The following ZNF106 variants were observed in gnomAD, a reference collection of about 807,000 sequenced individuals.
ZNF106 encodes zinc finger protein 106.
In ZNF106, 67 loss-of-function variants were observed where a neutral mutation model predicts 195.1. The observed-to-expected ratio is 0.34, with a 90% confidence interval of 0.28 to 0.42. The LOEUF is 0.42. Ranked by LOEUF, ZNF106 falls within the 10% of genes least tolerant of loss-of-function variation. The probability of loss-of-function intolerance (pLI) is 1.00; values close to 1 mark genes in which losing one functional copy is unlikely to be tolerated. For missense variants in ZNF106, 2,118 were observed against 2,304.5 expected, an observed-to-expected ratio of 0.92 and a Z score of 1.66; for synonymous variants, 784 against 818.6, an observed-to-expected ratio of 0.96 and a Z score of 0.72.
intron 17 of ZNF106, 78 bp from the exon 18 acceptor site, chr15:42,422,698 G>T: frequency 6.9e-7 from 1 of 1,455,690 alleles, no homozygotes; most frequent in Non-Finnish European, 9.2e-7. Context: ...AATTCTAAGA[G>T]GCATAATTCT....
At chr15:42,476,439 G>T (rs1377727680) in intron 1 of ZNF106, among the ~76,000 whole-genome samples, 1 of 152,114 alleles carries the variant, frequency 6.6e-6, no homozygotes, top group Admixed American at 6.6e-5. Flanking sequence ...CAAACTAGAA[G>T]TAAGTAAATA....
chr15:42,448,727 GA>G, intron 5 of ZNF106, 22 bp from the exon 6 acceptor site: 2 of 1,568,420 alleles, frequency 1.3e-6, no homozygotes, highest in Non-Finnish European at 1.7e-6. Flanking sequence ...AAGAAAAAAT[GA>G]AAACATAAAT....
At position 42,451,479 on chromosome 15, in the gene ZNF106, C is replaced by T. The variant is rs1165713846; in HGVS notation, c.793G>A (p.Asp265Asn). Residue 265 changes from aspartate (D) to asparagine (N), a missense_variant, in exon 5 of 22, where the codon GAC (aspartate) becomes AAC (asparagine). Coordinates refer to ENST00000564754, the MANE Select transcript of ZNF106 (RefSeq NM_001366845.3). ...TNNWNYSGPG[D>N]KFQPGRNRNS... Reference sequence around the variant, plus strand: ...CTGTTTCTGCCTGGTTGAAATTTGTCTCCAGGGCCACTGTAATTCCAATTA... The same window carrying T: ...CTGTTTCTGCCTGGTTGAAATTTGTTTCCAGGGCCACTGTAATTCCAATTA... The T allele has an allele frequency of 6.2e-7, 1 of 1,614,170 alleles. No individual in the cohort carries two copies. Among genetic ancestry groups the T allele is most frequent in the Admixed American group, 1.7e-5 (1 of 60,018 alleles).
intron 1 of ZNF106, among the ~76,000 whole-genome samples, chr15:42,481,342 GTT>G (rs10706782): frequency 0.01 from 1,208 of 119,522 alleles, 21 homozygotes; most frequent in African/African-American, 0.035. Context: ...TATTCTTTCT[GTT>G]TTTTTTTTTG....
At chr15:42,446,689 C>T (rs745985018) in intron 6 of ZNF106, 31 bp from the exon 7 acceptor site, 1 of 1,552,434 alleles carries the variant, frequency 6.4e-7, no homozygotes, top group South Asian at 1.2e-5. Context: ...GAATAAAATC[C>T]AATGTGTAAA....
rs1178767226 is a variant in ZNF106 at position 42,451,304 on chromosome 15, C to G, written c.968G>C (p.Gly323Ala). 9 of 1,614,142 alleles carry G rather than the reference C, an allele frequency of 5.6e-6. 1 individual carries two copies. In the South Asian group the frequency reaches 9.9e-5, roughly 18 times the overall value. ...TGAAGGAAATTTATCACTTGTAAAT[C>G]CTTCAGAAGGACCTCTATATGTGGC... The part of the protein sequence containing the change: ...TVATYRGPSE[G>A]FTSDKFPSEG... The change falls in exon 5 of 22, where the codon GGA becomes GCA. Residue 323 changes from glycine to alanine, a missense_variant. Gly to Ala is a moderately conservative substitution (Grantham distance 60). Transcript: ENST00000564754.
intron 2 of ZNF106, among the ~76,000 whole-genome samples, chr15:42,471,213 C>T (rs1411137799): frequency 1.3e-5 from 2 of 152,170 alleles, no homozygotes; most frequent in South Asian, 4.1e-4. Context: ...ACCATCGTTA[C>T]TCTAGACACT....
At position 42,441,191 on chromosome 15, in the gene ZNF106, A is replaced by G. The variant is rs898017392; in HGVS notation, c.3763+882T>C. ...CTCTACTTAAAAAAAAAAAAAAAAA[A>G]AATTAGCCGGGCATGGTGGCAGGCA... On this transcript the variant is annotated intron_variant, in intron 10 of 21. Transcript: ENST00000564754. Among the ~76,000 whole-genome samples, 6 of 148,120 alleles carry G rather than the reference A, an allele frequency of 4.1e-5. No individual in the cohort carries two copies. In the South Asian group the frequency reaches 1.3e-3, roughly 32 times the overall value.
intron 7 of ZNF106, among the ~76,000 whole-genome samples, chr15:42,446,250 G>A (rs2055764056): frequency 1.3e-5 from 2 of 152,172 alleles, no homozygotes; most frequent in Admixed American, 1.3e-4. Context: ...GACAAGCTAT[G>A]CTCTGTGTCA....
chr15:42,457,667 T>G, intron 3 of ZNF106: 1 of 451,680 alleles, frequency 2.2e-6, no homozygotes, highest in Non-Finnish European at 3.0e-6. Context: ...GCTGGAGCTC[T>G]GCCTGGAATG....
At chr15:42,455,324 G>T (rs893659798) in intron 4 of ZNF106, among the ~76,000 whole-genome samples, 5 of 152,132 alleles carry the variant, frequency 3.3e-5, no homozygotes, top group Non-Finnish European at 4.4e-5. Context: ...ATTCATTTAT[G>T]TTTCATATAC....
Position 42,439,442 on chromosome 15 carries a change from G to C in ZNF106, c.4135C>G (p.Arg1379Gly), listed in dbSNP as rs190531522. ...GCAGCCCGTAGACTTTTCTTCTTCC[G>C]GAGTTTCTTCTTTTTCTTGCTTCCC... ...TRGSKKKKKL[R>G]KKKSLRAAHV... Residue 1379 changes from arginine (R) to glycine (G), a missense_variant, in exon 11 of 22, where the codon CGG becomes GGG. By Grantham distance (125) the Arg-to-Gly change is moderately radical. Coordinates refer to ENST00000564754, the MANE Select transcript of ZNF106 (RefSeq NM_001366845.3). 17 of 1,613,364 alleles carry C rather than the reference G, an allele frequency of 1.1e-5. No individual in the cohort carries two copies. The African/African-American group carries it at 1.7e-4, about 16-fold the overall frequency.
At position 42,413,516 on chromosome 15, in the gene ZNF106, T is replaced by A. The variant is rs2054339977; in HGVS notation, c.*3788A>T. On this transcript the variant is annotated 3_prime_UTR_variant, in exon 22 of 22. Transcript: ENST00000564754. ...GTTCAAATCCCACTTCACAATATACTTCAATCTCACCTCCAATGAATTCTC... is the reference window on the plus strand; with the variant it reads ...GTTCAAATCCCACTTCACAATATACATCAATCTCACCTCCAATGAATTCTC... The A allele has an allele frequency of 6.6e-6, 1 of 152,592 alleles. No homozygotes were observed. The highest frequency in any genetic ancestry group is 6.5e-5 in the Admixed American group (1 of 15,272). The allele number at this position is 152,592 out of a possible 1,614,324, so 9.5% of individuals were successfully genotyped here.
At chr15:42,479,610 G>A (rs973615357) in intron 1 of ZNF106, among the ~76,000 whole-genome samples, 1 of 152,156 alleles carries the variant, frequency 6.6e-6, no homozygotes, top group Middle Eastern at 3.4e-3. Context: ...GGGAGGCCAA[G>A]GCGGGCAGAT....
chr15:42,478,779 T>C (rs2056839360), intron 1 of ZNF106, among the ~76,000 whole-genome samples: 1 of 152,094 alleles, frequency 6.6e-6, no homozygotes, highest in African/African-American at 2.4e-5. Context: ...CTGAAAGTGC[T>C]GGGATTACAG....
At chr15:42,478,164 T>C (rs62022316) in intron 1 of ZNF106, among the ~76,000 whole-genome samples, 17,143 of 151,870 alleles carry the variant, frequency 0.11, 1,149 homozygotes, top group Non-Finnish European at 0.15. Context: ...TGATACATTG[T>C]TATTTATTTT....
In ZNF106 at chr15:42,415,555, C is replaced by G. The variant is rs762547108; in HGVS notation, c.*1749G>C. 9.4e-5 allele frequency: 42 copies of G among 448,968 alleles called. No individual in the cohort carries two copies. The highest frequency in any genetic ancestry group is 1.5e-4 in the Non-Finnish European group (34 of 223,470). 27.8% of individuals were successfully genotyped at this position (448,968 alleles called of 1,614,324 possible). On this transcript the variant is annotated 3_prime_UTR_variant, in exon 22 of 22. Coordinates refer to ENST00000564754, the MANE Select transcript of ZNF106 (RefSeq NM_001366845.3). ...ACCCTCTTGAAGCCTATCCATAAAC[C>G]CCCTGGTGAAGTCCCCCTGCCCGAT...
rs750056798 is a variant in ZNF106, at chr15:42,437,309, C to T, written c.4669G>A (p.Val1557Ile). 8.1e-6 allele frequency: 13 copies of T among 1,614,036 alleles called. No homozygotes were observed. The highest frequency in any genetic ancestry group is 7.7e-5 in the South Asian group (7 of 91,088). The change falls in exon 13 of 22, where the codon GTA (valine) becomes ATA (isoleucine). Residue 1557 changes from valine to isoleucine, a missense_variant. Physicochemically the swap from Val to Ile is conservative, Grantham distance 29. Transcript: ENST00000564754. ...EGSFEGHQAAVNAIQIFGNLL... is the reference protein window; with the variant it reads ...EGSFEGHQAAINAIQIFGNLL... Reference sequence around the variant, plus strand: ...TTCCCAAATATCTGAATTGCATTTACGGCAGCTTGGTGTCCCTCAAAGCTT... The same window carrying T: ...TTCCCAAATATCTGAATTGCATTTATGGCAGCTTGGTGTCCCTCAAAGCTT...
rs779201656 is a variant in ZNF106 at position 42,448,586 on chromosome 15, G to A, written c.2621C>T (p.Ser874Phe). ...GCTTCGCTTTCTTGCCAAGCCAGGG[G>A]ACGAGGAAATGGAAACACCTTCCCA... ...FQWEGVSISS[S>F]PGLARKRSLS... The change falls in exon 6 of 22, where the codon TCC becomes TTC. Residue 874 changes from serine to phenylalanine, a missense_variant. Physicochemically the swap from Ser to Phe is radical, Grantham distance 155 (BLOSUM62 -2). Transcript: ENST00000564754. 3 of 1,614,016 alleles carry A rather than the reference G, an allele frequency of 1.9e-6. No homozygotes were observed. In the South Asian group the frequency reaches 3.3e-5, roughly 18 times the overall value.
Sources: gnomAD v4.1 joint callset for allele counts (sites outside exome capture counted in the v4.1 genomes callset) on GRCh38, gnomAD v4.1.1 for gene constraint, MANE v1.5 for transcripts, NCBI Gene and HGNC (gene_info 2026-07-23, HGNC 2026-07-21) for gene names.